Variants in SNCB observed in about 807,000 individuals in gnomAD.
SNCB encodes the protein synuclein beta.
A neutral mutation model predicts 20.0 loss-of-function variants in SNCB; 8 were observed. That is an observed-to-expected ratio of 0.40 (90% CI 0.24 to 0.72). The LOEUF (loss-of-function observed/expected upper bound fraction) is 0.72, where lower values mean the gene tolerates loss of function less well. SNCB is among the 30% of genes least tolerant of loss of function. The pLI, the probability that SNCB is intolerant of heterozygous loss-of-function variation, is 0.37. For missense variants in SNCB, 125 were observed against 168.0 expected (o/e 0.74, Z 1.41); for synonymous variants, 56 against 65.4 (o/e 0.86, Z 0.69).
chr5:176,621,161 G>T lies in SNCB; in HGVS notation c.372+53C>A. On this transcript the variant is annotated intron_variant, in intron 5 of 5. Coordinates refer to ENST00000393693, the MANE Select transcript of SNCB (RefSeq NM_003085.5). The surrounding 1 kb of genome is among the most constrained non-coding windows in gnomAD (Gnocchi z 4.1). The stretch of plus-strand genomic sequence containing the variant: ...GGATGTCCCACCCCAGCTAGGGACG[G>T]CAGCAATCATCCTGGATTCCCAAAG... The T allele has an allele frequency of 7.1e-7, 1 of 1,404,780 alleles. No homozygotes were observed. The highest frequency in any genetic ancestry group is 1.0e-6 in the Non-Finnish European group (1 of 1,003,494). The allele number at this position is 1,404,780 out of a possible 1,614,324, so 87.0% of individuals were successfully genotyped here.
chr5:176,625,046 G>C (rs1374703947), intron 4 of SNCB, among the ~76,000 whole-genome samples: 1 of 152,192 alleles, frequency 6.6e-6, no homozygotes, highest in Non-Finnish European at 1.5e-5. Context: ...CATCCCCATG[G>C]AGGCAGGGTC....
rs1037751663 is a variant in SNCB at position 176,620,623 on chromosome 5, C to T, written c.*188G>A. ...CGCAACCCTGGCCCTGTCCATGCCC[C>T]GGGGTTGGACGCGGGCGGGTAGGAC... On this transcript the variant is annotated 3_prime_UTR_variant, in exon 6 of 6. Transcript: ENST00000393693. The surrounding 1 kb of genome is among the most constrained non-coding windows in gnomAD (Gnocchi z 4.5). 8 of 623,028 alleles carry T rather than the reference C, an allele frequency of 1.3e-5. No individual in the cohort carries two copies. The highest frequency in any genetic ancestry group is 2.3e-5 in the Non-Finnish European group (8 of 347,126). 38.6% of individuals were successfully genotyped at this position (623,028 alleles called of 1,614,324 possible).
At chr5:176,623,686 A>T (rs1759756446) in intron 4 of SNCB, among the ~76,000 whole-genome samples, 1 of 152,162 alleles carries the variant, frequency 6.6e-6, no homozygotes, top group African/African-American at 2.4e-5. Context: ...TGGAGCTGCC[A>T]GTTTTCCACA....
rs575082898 is a variant in SNCB, at chr5:176,630,273, G to T, written c.-10+7C>A. 6.6e-6 allele frequency: 1 copy of T among 152,478 alleles called. No individual in the cohort carries two copies. The highest frequency in any genetic ancestry group is 1.5e-5 in the Non-Finnish European group (1 of 68,220). 9.4% of individuals were successfully genotyped at this position (152,478 alleles called of 1,614,324 possible). On this transcript the variant is annotated splice_region_variant and intron_variant, in intron 1 of 5. Transcript: ENST00000393693. ...CGTTCCCCATCCCCGGCGCGCGGCC[G>T]CCTCACCTGGATGCGGGGCCGGGGC...
Position 176,626,804 on chromosome 5 carries a change from G to A in SNCB, c.122-43C>T. On this transcript the variant is annotated intron_variant, in intron 2 of 5. Coordinates refer to ENST00000393693, the MANE Select transcript of SNCB (RefSeq NM_003085.5). The surrounding 1 kb of genome is among the most constrained non-coding windows in gnomAD (Gnocchi z 4.2). ...GGCACATTTAAGGACTCTGCGCTGA[G>A]GGAACAGAAACTCCAGCACAGCATG... is the stretch of plus-strand genomic sequence containing the variant. 2 of 1,608,130 alleles carry A rather than the reference G, an allele frequency of 1.2e-6. No homozygotes were observed. The highest frequency in any genetic ancestry group is 1.1e-5 in the South Asian group (1 of 90,960).
chr5:176,629,483 T>C lies in SNCB; in HGVS notation c.121+51A>G. 1 of 1,592,202 alleles carries C rather than the reference T, an allele frequency of 6.3e-7. No homozygotes were observed. On this transcript the variant is annotated intron_variant, in intron 2 of 5. Transcript: ENST00000393693. The surrounding 1 kb of genome is among the most constrained non-coding windows in gnomAD (Gnocchi z 4.1). Reference sequence around the variant, plus strand: ...CCGGGACCCGGCCCCAGCTCCACACTGTCGGGGGACCCCCAGCCCTGCAGC... The same window carrying C: ...CCGGGACCCGGCCCCAGCTCCACACCGTCGGGGGACCCCCAGCCCTGCAGC...
At position 176,629,091 on chromosome 5, in the gene SNCB, C is replaced by A. The variant is rs2113416618; in HGVS notation, c.121+443G>T. Among the ~76,000 whole-genome samples the A allele has an allele frequency of 6.6e-6, 1 of 152,314 alleles. No homozygotes were observed. The highest frequency in any genetic ancestry group is 1.9e-4 in the East Asian group (1 of 5,190). On this transcript the variant is annotated intron_variant, in intron 2 of 5. Transcript: ENST00000393693. The surrounding 1 kb of genome is among the most constrained non-coding windows in gnomAD (Gnocchi z 4.1). ...AAACCCCAGCTTCAGCATTTACCAG[C>A]TGCTGACCTTGGGCAAGGTACTTAG...
At chr5:176,623,494 C>T (rs1417255063) in intron 4 of SNCB, among the ~76,000 whole-genome samples, 1 of 151,688 alleles carries the variant, frequency 6.6e-6, no homozygotes, top group Non-Finnish European at 1.5e-5. Context: ...GCCTGGCCTC[C>T]GTCTCCTGGC....
chr5:176,626,356 G>A lies in SNCB; in HGVS notation c.282+42C>T, dbSNP rs1356413568. 1.8e-6 allele frequency: 2 copies of A among 1,098,614 alleles called. No individual in the cohort carries two copies. Among genetic ancestry groups the A allele is most frequent in the East Asian group, 4.7e-5 (2 of 42,578 alleles). 68.1% of individuals were successfully genotyped at this position (1,098,614 alleles called of 1,614,324 possible). On this transcript the variant is annotated intron_variant, in intron 4 of 5. Transcript: ENST00000393693. This position sits in a 1 kb window ranked among gnomAD's most constrained non-coding sequence, Gnocchi z 4.2. Reference sequence around the variant, plus strand: ...GCCTGGTGTGTGTGTGTGTGTGTGTGTGTGTGTTTGCCTGCATGTGCGGGT... The same window carrying A: ...GCCTGGTGTGTGTGTGTGTGTGTGTATGTGTGTTTGCCTGCATGTGCGGGT...
Position 176,621,204 on chromosome 5 carries a change from GC to G in SNCB, c.372+9del. The G allele has an allele frequency of 6.2e-7, 1 of 1,605,062 alleles. No individual in the cohort carries two copies. The highest frequency in any genetic ancestry group is 8.5e-7 in the Non-Finnish European group (1 of 1,173,388). On this transcript the variant is annotated intron_variant, in intron 5 of 5. Transcript: ENST00000393693. This position sits in a 1 kb window ranked among gnomAD's most constrained non-coding sequence, Gnocchi z 4.1. ...TCCCAAAGTCCCGCCCAGCCCTGCT[GC>G]CCCCTCACCTGGGGTGGGTCCTCAT...
Position 176,620,394 on chromosome 5 carries a change from T to G in SNCB, c.*417A>C. 5.8e-6 allele frequency: 1 copy of G among 173,740 alleles called. No individual in the cohort carries two copies. The highest frequency in any genetic ancestry group is 1.2e-5 in the Non-Finnish European group (1 of 83,940). The allele number at this position is 173,740 out of a possible 1,614,324, so 10.8% of individuals were successfully genotyped here. A position where few individuals can be genotyped will look rare whatever the true frequency, so the allele number is the denominator to read the frequency against. On this transcript the variant is annotated 3_prime_UTR_variant, in exon 6 of 6. Transcript: ENST00000393693. This position sits in a 1 kb window ranked among gnomAD's most constrained non-coding sequence, Gnocchi z 4.5. The stretch of plus-strand genomic sequence containing the variant: ...GCACAGCCTGGCTCCTGGTTTTGGT[T>G]AAAAAAAAAAAGGTTCTCGAGGTTA...
intron 4 of SNCB, among the ~76,000 whole-genome samples, chr5:176,622,489 C>CAACAAAACAAAACAAAACAAAACAA (rs59319062): frequency 2.3e-3 from 342 of 149,580 alleles, no homozygotes; most frequent in African/African-American, 8.2e-3. Context: ...GACTCCATCT[C>CAACAAAACAAAACAAAACAAAACAA]AACAAAACAA....
chr5:176,628,115 G>C (rs1760087970), intron 2 of SNCB, among the ~76,000 whole-genome samples: 1 of 152,198 alleles, frequency 6.6e-6, no homozygotes, highest in Non-Finnish European at 1.5e-5. Context: ...TGAATGCCAG[G>C]GTACAGGGAG....
chr5:176,626,135 C>T lies in SNCB; in HGVS notation c.282+263G>A, dbSNP rs1438549644. Among the ~76,000 whole-genome samples, 1 of 152,078 alleles carries T rather than the reference C, an allele frequency of 6.6e-6. No homozygotes were observed. Among genetic ancestry groups the T allele is most frequent in the East Asian group, 1.9e-4 (1 of 5,182 alleles). On this transcript the variant is annotated intron_variant, in intron 4 of 5. Transcript: ENST00000393693. This position sits in a 1 kb window ranked among gnomAD's most constrained non-coding sequence, Gnocchi z 4.2. ...ACGTGGCCAGAAGTCATCTGGGTCA[C>T]GCTGGCAAGCAGGATACACGCAGAC...
At chr5:176,624,761 C>T (rs1339881932) in intron 4 of SNCB, among the ~76,000 whole-genome samples, 1 of 136,032 alleles carries the variant, frequency 7.4e-6, no homozygotes, top group Admixed American at 8.4e-5. Context: ...AAGATCGTGC[C>T]ATTGCACTCC....
chr5:176,620,751 TGGGGG>T lies in SNCB; in HGVS notation c.*55_*59del. 1 of 1,186,904 alleles carries T rather than the reference TGGGGG, an allele frequency of 8.4e-7. No individual in the cohort carries two copies. Among genetic ancestry groups the T allele is most frequent in the Non-Finnish European group, 1.3e-6 (1 of 788,358 alleles). The allele number at this position is 1,186,904 out of a possible 1,614,324, so 73.5% of individuals were successfully genotyped here. On this transcript the variant is annotated 3_prime_UTR_variant, in exon 6 of 6. Coordinates refer to ENST00000393693, the MANE Select transcript of SNCB (RefSeq NM_003085.5). This position sits in a 1 kb window ranked among gnomAD's most constrained non-coding sequence, Gnocchi z 4.5. ...AGGAGTCTAAGGACAGCCCTGGCTC[TGGGGG>T]GCGGGGCAGGGACAGGGACAGAATT...
At position 176,620,159 on chromosome 5, in the gene SNCB, G is replaced by T. The variant is rs1263057666; in HGVS notation, c.*652C>A. ...TGGGACCTGGAAGACTCGCCGCCAC[G>T]TGTCGCCCCCACCCGGCGCCCAGCC... On this transcript the variant is annotated 3_prime_UTR_variant, in exon 6 of 6. Coordinates refer to ENST00000393693, the MANE Select transcript of SNCB (RefSeq NM_003085.5). This position sits in a 1 kb window ranked among gnomAD's most constrained non-coding sequence, Gnocchi z 4.5. 2 of 154,346 alleles carry T rather than the reference G, an allele frequency of 1.3e-5. No homozygotes were observed. The highest frequency in any genetic ancestry group is 2.9e-5 in the Non-Finnish European group (2 of 69,590). 9.6% of individuals were successfully genotyped at this position (154,346 alleles called of 1,614,324 possible). A position where few individuals can be genotyped will look rare whatever the true frequency, so the allele number is the denominator to read the frequency against.
At position 176,624,802 on chromosome 5, in the gene SNCB, C is replaced by CAAA. The variant is rs1282224621; in HGVS notation, c.282+1593_282+1595dup. 3.2e-3 allele frequency among the ~76,000 whole-genome samples: 161 copies of CAAA among 50,598 alleles called. 3 individuals carry two copies. Among genetic ancestry groups the CAAA allele is most frequent in the East Asian group, 0.011 (30 of 2,756 alleles). 33.2% of individuals were successfully genotyped at this position (50,598 alleles called of 152,430 possible). ...GGGCAACAAGAGCAAAACTCCGTCT[C>CAAA]AAAAAAAAAAAAAAACAAAAAAAAA... On this transcript the variant is annotated intron_variant, in intron 4 of 5. Transcript: ENST00000393693.
In SNCB at chr5:176,620,759, G is replaced by GAGGCA; in HGVS notation, c.*51_*52insTGCCT. 2.3e-6 allele frequency: 3 copies of GAGGCA among 1,318,778 alleles called. No homozygotes were observed. The Admixed American group carries it at 5.0e-5, about 22-fold the overall frequency. The allele number at this position is 1,318,778 out of a possible 1,614,324, so 81.7% of individuals were successfully genotyped here. A position where few individuals can be genotyped will look rare whatever the true frequency, so the allele number is the denominator to read the frequency against. ...AAGGACAGCCCTGGCTCTGGGGGGC[G>GAGGCA]GGGCAGGGACAGGGACAGAATTGTG... is the stretch of plus-strand genomic sequence containing the variant. On this transcript the variant is annotated 3_prime_UTR_variant, in exon 6 of 6. Transcript: ENST00000393693. The surrounding 1 kb of genome is among the most constrained non-coding windows in gnomAD (Gnocchi z 4.5).
Sources: allele counts gnomAD v4.1 joint callset (sites outside exome capture counted in the v4.1 genomes callset), GRCh38; gene constraint gnomAD v4.1.1; non-coding constraint Gnocchi (gnomAD v3.1); transcripts MANE v1.5; gene names NCBI Gene and HGNC (gene_info 2026-07-23, HGNC 2026-07-21).